Variants in AUTS2 observed in about 807,000 individuals in gnomAD.
The protein encoded by AUTS2 is activator of transcription and developmental regulator AUTS2, also known as autism susceptibility gene 2 protein.
Under a neutral mutation model 112.4 loss-of-function variants are expected in AUTS2, and 17 were observed. The observed-to-expected ratio is 0.15, with a 90% CI of 0.10 to 0.23. The LOEUF (loss-of-function observed/expected upper bound fraction) is 0.23, where lower values mean the gene tolerates loss of function less well. AUTS2 is among the 10% of genes least tolerant of loss of function. The pLI, the probability that AUTS2 is intolerant of heterozygous loss-of-function variation, is 1.00. For synonymous variants in AUTS2, 751 were observed against 702.7 expected, an observed-to-expected ratio of 1.07 and a Z score of -1.09; for missense variants, 1,510 against 1,701.6, an observed-to-expected ratio of 0.89 and a Z score of 1.98.
chr7:69,703,894 T>C (rs1322066742), intron 1 of AUTS2, among the ~76,000 whole-genome samples: 1 of 152,238 alleles, frequency 6.6e-6, no homozygotes, highest in Non-Finnish European at 1.5e-5. Flanking sequence ...CAGGGCAGTG[T>C]TTCTAGAATG....
chr7:69,919,022 T>G (rs1253932622), intron 2 of AUTS2, among the ~76,000 whole-genome samples: 1 of 152,204 alleles, frequency 6.6e-6, no homozygotes, highest in East Asian at 1.9e-4. Context: ...ATGAAAAGAT[T>G]GAGGTAAGGA....
chr7:70,503,593 G>A (rs551269630), intron 5 of AUTS2, among the ~76,000 whole-genome samples: 24 of 144,144 alleles, frequency 1.7e-4, no homozygotes, highest in African/African-American at 5.7e-4. Flanking sequence ...ATCATAGCTC[G>A]TTGCAGCCTT....
intron 6 of AUTS2, among the ~76,000 whole-genome samples, chr7:70,758,371 A>G (rs540275529): frequency 6.6e-6 from 1 of 152,268 alleles, no homozygotes; most frequent in African/African-American, 2.4e-5. Flanking sequence ...AAACCTCCAC[A>G]GAGGTTGTAG....
chr7:70,273,178 G>T (rs1434099963), intron 4 of AUTS2, among the ~76,000 whole-genome samples: 2 of 151,964 alleles, frequency 1.3e-5, no homozygotes, highest in Non-Finnish European at 2.9e-5. Flanking sequence ...GAGGGAGCTG[G>T]GACTACAGGT....
intron 1 of AUTS2, among the ~76,000 whole-genome samples, chr7:69,788,025 A>G (rs1015736414): frequency 1.3e-5 from 2 of 152,182 alleles, no homozygotes; most frequent in African/African-American, 4.8e-5. Context: ...TGAATTCCTG[A>G]TTGGTTCAGC....
At chr7:70,750,182 TA>T (rs1788713824) in intron 6 of AUTS2, among the ~76,000 whole-genome samples, 1 of 152,152 alleles carries the variant, frequency 6.6e-6, no homozygotes, top group African/African-American at 2.4e-5. Context: ...TTTCTTTGGC[TA>T]CCTGGACCCT....
chr7:70,365,453 A>C (rs1792526395), intron 4 of AUTS2, among the ~76,000 whole-genome samples: 1 of 152,222 alleles, frequency 6.6e-6, no homozygotes, highest in Admixed American at 6.5e-5. Context: ...CAGAAGTTTA[A>C]AGAATATTAT....
At chr7:70,233,087 C>A (rs1812143597) in intron 4 of AUTS2, among the ~76,000 whole-genome samples, 1 of 152,190 alleles carries the variant, frequency 6.6e-6, no homozygotes, top group Non-Finnish European at 1.5e-5. Context: ...CATTTGATTG[C>A]CTTTCTTTAA....
chr7:70,543,645 T>C (rs2129506577), intron 5 of AUTS2, among the ~76,000 whole-genome samples: 1 of 152,320 alleles, frequency 6.6e-6, no homozygotes, highest in Non-Finnish European at 1.5e-5. Context: ...GACTGCAGTT[T>C]GTTGCCTGTC....
At chr7:70,346,041 C>T (rs979347837) in intron 4 of AUTS2, among the ~76,000 whole-genome samples, 3 of 152,050 alleles carry the variant, frequency 2.0e-5, no homozygotes, top group Non-Finnish European at 2.9e-5. Context: ...TATCCAGGTA[C>T]GTGCCAGTGT....
rs188379391 is a variant in AUTS2, at chr7:69,907,388, C to T, written c.522+7890C>T. On this transcript the variant is annotated intron_variant, in intron 2 of 18. Transcript: ENST00000342771. ...GAACTTTGGGATACATTTTTCCTTC[C>T]GTATCCAAGGAGGATTCTTTCCAGG... is the stretch of plus-strand genomic sequence containing the variant. 2.2e-3 allele frequency among the ~76,000 whole-genome samples: 329 copies of T among 152,218 alleles called. 2 individuals are homozygous for T. Among genetic ancestry groups the T allele is most frequent in the Middle Eastern group, 0.017 (5 of 294 alleles).
chr7:70,292,448 A>G (rs779971818), intron 4 of AUTS2: 1 of 152,396 alleles, frequency 6.6e-6, no homozygotes, highest in African/African-American at 2.4e-5. Context: ...AGAAGTGATC[A>G]AAATGTTTTA....
At chr7:70,665,083 G>GA (rs111839104) in intron 5 of AUTS2, among the ~76,000 whole-genome samples, 11 of 149,754 alleles carry the variant, frequency 7.3e-5, no homozygotes, top group African/African-American at 2.0e-4. Flanking sequence ...AAAAGAAAGA[G>GA]AAAAAAAAAT....
chr7:70,553,150 G>A (rs180935861), intron 5 of AUTS2, among the ~76,000 whole-genome samples: 4 of 152,302 alleles, frequency 2.6e-5, no homozygotes, highest in East Asian at 3.9e-4. Flanking sequence ...AGCAGAGACC[G>A]TAAGCAGTGG....
intron 1 of AUTS2, among the ~76,000 whole-genome samples, chr7:69,679,102 T>C (rs1042818790): frequency 2.1e-4 from 32 of 152,218 alleles, no homozygotes; most frequent in Admixed American, 6.5e-4. Context: ...TATCAGGTGT[T>C]GGATTTTTTA....
At chr7:70,321,902 A>G (rs930638351) in intron 4 of AUTS2, among the ~76,000 whole-genome samples, 2 of 152,198 alleles carry the variant, frequency 1.3e-5, no homozygotes, top group Non-Finnish European at 2.9e-5. Context: ...TCTTTATGAA[A>G]ATAATATTTT....
At chr7:70,345,136 T>C (rs536243484) in intron 4 of AUTS2, among the ~76,000 whole-genome samples, 2 of 152,342 alleles carry the variant, frequency 1.3e-5, no homozygotes, top group South Asian at 4.1e-4. Context: ...TGTGTGGTAT[T>C]CTGCAGAAGG....
intron 1 of AUTS2, among the ~76,000 whole-genome samples, chr7:69,880,383 T>C (rs1028884014): frequency 2.0e-5 from 3 of 152,206 alleles, no homozygotes; most frequent in Non-Finnish European, 4.4e-5. Context: ...GGATTGTTAA[T>C]AGTACCTGCA....
intron 5 of AUTS2, among the ~76,000 whole-genome samples, chr7:70,528,333 G>A (rs1035388250): frequency 6.6e-6 from 1 of 151,978 alleles, no homozygotes; most frequent in Non-Finnish European, 1.5e-5. Context: ...GGTTGAGGGC[G>A]AGAGGAAAGG....
Sources: gnomAD v4.1 joint callset for allele counts (sites outside exome capture counted in the v4.1 genomes callset) on GRCh38, gnomAD v4.1.1 for gene constraint, MANE v1.5 for transcripts, NCBI Gene and HGNC (gene_info 2026-07-23, HGNC 2026-07-21) for gene names.